The following FAM117B variants were observed in gnomAD, a reference collection of about 807,000 sequenced individuals.
FAM117B encodes the protein protein FAM117B.
FAM117B carries 22 observed loss-of-function variants against 52.8 expected under a neutral mutation model. The observed-to-expected ratio is 0.42, with a 90% CI of 0.30 to 0.59. The LOEUF is 0.59. FAM117B is among the 20% of genes least tolerant of loss of function. The probability of loss-of-function intolerance (pLI) is 0.22; values close to 1 mark genes in which losing one functional copy is unlikely to be tolerated. For missense variants in FAM117B, 678 were observed against 802.6 expected (o/e 0.84, Z 1.88); for synonymous variants, 309 against 324.1 (o/e 0.95, Z 0.50).
chr2:202,753,558 A>G (rs185222770), intron 4 of FAM117B, among the ~76,000 whole-genome samples: 1 of 152,206 alleles, frequency 6.6e-6, no homozygotes, highest in Non-Finnish European at 1.5e-5. Context: ...AAAAGAAACT[A>G]TCATCAGAGT....
At chr2:202,663,439 G>A (rs548837195) in intron 1 of FAM117B, among the ~76,000 whole-genome samples, 5 of 152,224 alleles carry the variant, frequency 3.3e-5, no homozygotes, top group South Asian at 2.1e-4. Context: ...ATTGAAAAGC[G>A]TGTATCTTTT....
intron 4 of FAM117B, among the ~76,000 whole-genome samples, chr2:202,733,987 T>A (rs926518238): frequency 6.6e-6 from 1 of 152,236 alleles, no homozygotes; most frequent in South Asian, 2.1e-4. Context: ...TAAGAAATTA[T>A]AAAAGTATTA....
At chr2:202,685,551 A>G (rs1350535268) in intron 1 of FAM117B, among the ~76,000 whole-genome samples, 2 of 152,222 alleles carry the variant, frequency 1.3e-5, no homozygotes, top group African/African-American at 4.8e-5. Context: ...CCAAAACAAT[A>G]TTGAAAAGGA....
chr2:202,714,974 T>A (rs1375802956), intron 2 of FAM117B, among the ~76,000 whole-genome samples: 2 of 152,194 alleles, frequency 1.3e-5, no homozygotes, highest in Non-Finnish European at 2.9e-5. Context: ...CTCAGTCTTT[T>A]CCCCACCTTT....
At chr2:202,694,976 CT>C (rs1200167829) in intron 1 of FAM117B, among the ~76,000 whole-genome samples, 1 of 152,114 alleles carries the variant, frequency 6.6e-6, no homozygotes, top group African/African-American at 2.4e-5. Flanking sequence ...TGATAATTAC[CT>C]TCCTGTCTTA....
chr2:202,698,937 G>C (rs1297838112), intron 2 of FAM117B, among the ~76,000 whole-genome samples: 1 of 152,076 alleles, frequency 6.6e-6, no homozygotes, highest in Non-Finnish European at 1.5e-5. Flanking sequence ...AGGTTCAATG[G>C]GTTCAGACAT....
At chr2:202,707,547 T>C (rs1288978256) in intron 2 of FAM117B, among the ~76,000 whole-genome samples, 1 of 151,708 alleles carries the variant, frequency 6.6e-6, no homozygotes, top group African/African-American at 2.4e-5. Flanking sequence ...CTACCAAAAA[T>C]ACAAAAAATT....
intron 2 of FAM117B, among the ~76,000 whole-genome samples, chr2:202,703,771 G>A (rs527490671): frequency 6.6e-6 from 1 of 152,304 alleles, no homozygotes; most frequent in South Asian, 2.1e-4. Context: ...TCTGAACAAT[G>A]CTGCAGTGTA....
chr2:202,746,531 A>AGT (rs1691636497), intron 4 of FAM117B, among the ~76,000 whole-genome samples: 2 of 152,150 alleles, frequency 1.3e-5, no homozygotes, highest in African/African-American at 4.8e-5. Flanking sequence ...CAATCTGAAG[A>AGT]GTGTACCTCA....
At chr2:202,640,068 G>A (rs1291875047) in intron 1 of FAM117B, among the ~76,000 whole-genome samples, 1 of 151,636 alleles carries the variant, frequency 6.6e-6, no homozygotes, top group African/African-American at 2.4e-5. Flanking sequence ...TCAGGAGTTC[G>A]AGACCAGCCT....
intron 1 of FAM117B, 121 bp downstream of exon 1, chr2:202,635,909 T>C: frequency 1.4e-6 from 1 of 709,540 alleles, no homozygotes. Context: ...GGGGCGGGGC[T>C]GGGGGCGGTG....
At chr2:202,758,367 T>C (rs533647478) in intron 6 of FAM117B, among the ~76,000 whole-genome samples, 1 of 152,354 alleles carries the variant, frequency 6.6e-6, no homozygotes, top group Admixed American at 6.5e-5. Context: ...TCAGATAAAA[T>C]CTGGCCCTTG....
At chr2:202,653,588 T>TCTATCA (rs1163126034) in intron 1 of FAM117B, among the ~76,000 whole-genome samples, 8 of 152,190 alleles carry the variant, frequency 5.3e-5, no homozygotes, top group African/African-American at 1.9e-4. Flanking sequence ...TATTTTCTTG[T>TCTATCA]CTATCACTGG....
chr2:202,746,498 T>TA (rs79052032), intron 4 of FAM117B, among the ~76,000 whole-genome samples: 1 of 151,024 alleles, frequency 6.6e-6, no homozygotes, highest in East Asian at 1.9e-4. Flanking sequence ...ATGCCTCCAT[T>TA]AAAAAAAAAG....
intron 2 of FAM117B, among the ~76,000 whole-genome samples, chr2:202,719,607 T>C (rs1022420216): frequency 6.6e-6 from 1 of 152,180 alleles, no homozygotes; most frequent in Non-Finnish European, 1.5e-5. Context: ...CAGGGACTTT[T>C]AAAAATACCA....
intron 2 of FAM117B, among the ~76,000 whole-genome samples, chr2:202,698,824 G>A (rs1413707127): frequency 6.6e-6 from 1 of 152,102 alleles, no homozygotes; most frequent in African/African-American, 2.4e-5. Context: ...AAATGAATAC[G>A]GTGTCCACTT....
chr2:202,659,004 CTT>C (rs947580088), intron 1 of FAM117B, among the ~76,000 whole-genome samples: 21 of 151,778 alleles, frequency 1.4e-4, no homozygotes, highest in African/African-American at 4.8e-5. Context: ...TCTTTCCTGT[CTT>C]TTTTATTTTT....
At chr2:202,698,665 C>T (rs186625064) in intron 2 of FAM117B, among the ~76,000 whole-genome samples, 187 of 152,158 alleles carry the variant, frequency 1.2e-3, no homozygotes, top group Admixed American at 3.1e-3. Context: ...TCAGGTGATC[C>T]ACCCGCCTTG....
intron 2 of FAM117B, among the ~76,000 whole-genome samples, chr2:202,718,965 A>G (rs192670552): frequency 4.6e-5 from 7 of 152,220 alleles, no homozygotes. Context: ...TAAGAGCTGT[A>G]TTTCCTCTTG....
Sources: allele counts gnomAD v4.1 joint callset (sites outside exome capture counted in the v4.1 genomes callset), GRCh38; gene constraint gnomAD v4.1.1; transcripts MANE v1.5; gene names NCBI Gene and HGNC (gene_info 2026-07-23, HGNC 2026-07-21).